The following CDCA7L variants were observed in gnomAD, a reference collection of about 807,000 sequenced individuals.
CDCA7L encodes cell division cycle-associated 7-like protein.
Under a neutral mutation model 57.4 loss-of-function variants are expected in CDCA7L, and 44 were observed. That is an observed-to-expected ratio of 0.77 (90% CI 0.60 to 0.98). The LOEUF (loss-of-function observed/expected upper bound fraction) is 0.98. CDCA7L is among the 50% of genes least tolerant of loss of function. The pLI, the probability that CDCA7L is intolerant of heterozygous loss-of-function variation, is 0.00. For synonymous variants in CDCA7L, 236 were observed against 202.8 expected, an observed-to-expected ratio of 1.16 and a Z score of -1.39; for missense variants, 644 against 580.6, an observed-to-expected ratio of 1.11 and a Z score of -1.12.
Position 21,904,140 on chromosome 7 carries a change from C to A in CDCA7L, c.1167G>T (p.Gly389=). ...FCGPCLRNRY[G]EDVRSALLDP... Reference sequence around the variant, plus strand: ...CCAGCAATGCCGATCTGACATCCTCCCCATAGCGGTTCCGCAGGCATGGTC... The same window carrying A: ...CCAGCAATGCCGATCTGACATCCTCACCATAGCGGTTCCGCAGGCATGGTC... Residue 389 remains glycine, a synonymous_variant, in exon 8 of 10, where the codon GGG becomes GGT. Transcript: ENST00000406877. The A allele has an allele frequency of 6.2e-7, 1 of 1,611,106 alleles. No homozygotes were observed. The highest frequency in any genetic ancestry group is 8.5e-7 in the Non-Finnish European group (1 of 1,178,666).
At chr7:21,937,530 C>T (rs1004251540) in intron 1 of CDCA7L, among the ~76,000 whole-genome samples, 5 of 151,428 alleles carry the variant, frequency 3.3e-5, no homozygotes, top group Admixed American at 6.6e-5. Flanking sequence ...CCCGGCTACT[C>T]GGGAGGCTGA....
Position 21,902,530 on chromosome 7 carries a change from A to G in CDCA7L, c.1335-178T>C, listed in dbSNP as rs143339716. 575 of 624,870 alleles carry G rather than the reference A, an allele frequency of 9.2e-4. No individual in the cohort carries two copies. In the African/African-American group the frequency reaches 9.3e-3, roughly 10 times the overall value. 38.7% of individuals were successfully genotyped at this position (624,870 alleles called of 1,614,324 possible). A position where few individuals can be genotyped will look rare whatever the true frequency, so the allele number is the denominator to read the frequency against. On this transcript the variant is annotated intron_variant, in intron 9 of 9. Coordinates refer to ENST00000406877, the MANE Select transcript of CDCA7L (RefSeq NM_018719.5). ...ATACCCTCTGGTGTAGTACGCCCCAAGCATGACTTGCCTCACTCCCGCATT... is the reference window on the plus strand; with the variant it reads ...ATACCCTCTGGTGTAGTACGCCCCAGGCATGACTTGCCTCACTCCCGCATT...
rs1248792454 is a variant in CDCA7L, at chr7:21,901,701, T to C, written c.*621A>G. 6.4e-6 allele frequency: 1 copy of C among 156,148 alleles called. No individual in the cohort carries two copies. The highest frequency in any genetic ancestry group is 1.4e-5 in the Non-Finnish European group (1 of 70,572). The allele number at this position is 156,148 out of a possible 1,614,324, so 9.7% of individuals were successfully genotyped here. On this transcript the variant is annotated 3_prime_UTR_variant, in exon 10 of 10. Coordinates refer to ENST00000406877, the MANE Select transcript of CDCA7L (RefSeq NM_018719.5). The stretch of plus-strand genomic sequence containing the variant: ...TTAGCCCTTAAACTCTTTCAAAATA[T>C]AAAAGCAGCAGGCCCCAGGTGAGTC...
chr7:21,932,153 GAAAC>G (rs1339052477), intron 1 of CDCA7L, among the ~76,000 whole-genome samples: 1 of 152,116 alleles, frequency 6.6e-6, no homozygotes, highest in African/African-American at 2.4e-5. Context: ...AGTAAGAGAG[GAAAC>G]AAACAAATGG....
chr7:21,908,259 T>C lies in CDCA7L; in HGVS notation c.552A>G (p.Lys184=). 1 of 1,613,668 alleles carries C rather than the reference T, an allele frequency of 6.2e-7. No individual in the cohort carries two copies. The change falls in exon 4 of 10, where the codon AAA becomes AAG. Residue 184 remains lysine, a synonymous_variant. Transcript: ENST00000406877. ...CCCTTTGTATCACCTGTCTACAGTC[T>C]TTCTTTCTTTCAAGAATTGTTTTTT... ...NEKKTILERK[K]DCRQVIQRED... is the part of the protein sequence containing the mutation.
chr7:21,908,004 G>C (rs1250761508), intron 4 of CDCA7L, 126 bp downstream of exon 4: 7 of 962,786 alleles, frequency 7.3e-6, no homozygotes, highest in South Asian at 1.9e-5. Flanking sequence ...ACAATACCCA[G>C]AGTATATTTT....
chr7:21,905,302 G>C (rs1785104412), intron 7 of CDCA7L, among the ~76,000 whole-genome samples: 1 of 151,936 alleles, frequency 6.6e-6, no homozygotes, highest in Non-Finnish European at 1.5e-5. Context: ...GCATCCCTAA[G>C]AGAGACCGCC....
chr7:21,929,625 GGAAAGC>G (rs1785940706), intron 1 of CDCA7L, among the ~76,000 whole-genome samples: 1 of 34,488 alleles, frequency 2.9e-5, no homozygotes, highest in Non-Finnish European at 4.8e-5. Context: ...TCCAGCAAAT[GGAAAGC>G]AAAAAAAAAA....
chr7:21,906,158 A>G, intron 6 of CDCA7L, 131 bp downstream of exon 6: 2 of 808,530 alleles, frequency 2.5e-6, no homozygotes, highest in Non-Finnish European at 3.9e-6. Flanking sequence ...GGAAGCAGAG[A>G]GAAATGCAAG....
In CDCA7L at chr7:21,911,607, T is replaced by C; in HGVS notation, c.303+10A>G. On this transcript the variant is annotated intron_variant, in intron 3 of 9. Coordinates refer to ENST00000406877, the MANE Select transcript of CDCA7L (RefSeq NM_018719.5). ...TTACCACCCACATCCCTTCCTGTTG[T>C]AATTATTACCATTACTTCTGGGTTA... The C allele has an allele frequency of 1.2e-6, 2 of 1,606,828 alleles. No homozygotes were observed. Among genetic ancestry groups the C allele is most frequent in the Admixed American group, 1.7e-5 (1 of 58,268 alleles).
intron 1 of CDCA7L, among the ~76,000 whole-genome samples, chr7:21,930,228 AACG>A (rs1785963197): frequency 6.6e-6 from 1 of 152,220 alleles, no homozygotes; most frequent in Admixed American, 6.5e-5. Flanking sequence ...CAGGGTAACT[AACG>A]AAATCAAGAC....
At chr7:21,943,987 G>A (rs973350580) in intron 1 of CDCA7L, among the ~76,000 whole-genome samples, 6 of 152,228 alleles carry the variant, frequency 3.9e-5, no homozygotes, top group Admixed American at 3.3e-4. Context: ...AACAACAGGA[G>A]TGACACATTC....
At chr7:21,941,607 A>C (rs544965514) in intron 1 of CDCA7L, among the ~76,000 whole-genome samples, 160 of 152,334 alleles carry the variant, frequency 1.1e-3, no homozygotes, top group Non-Finnish European at 1.5e-3. Flanking sequence ...GAGTTCCTAA[A>C]AAAGAACCAG....
chr7:21,902,063 T>TTAATAACTGGCAGATATTTTTAA lies in CDCA7L; in HGVS notation c.*236_*258dup. On this transcript the variant is annotated 3_prime_UTR_variant, in exon 10 of 10. Transcript: ENST00000406877. ...CCCCACCCCATTTAAACTGTGCTTT[T>TTAATAACTGGCAGATATTTTTAA]TAATAACTGGCAGATATTTTTAACA... The TTAATAACTGGCAGATATTTTTAA allele has an allele frequency of 2.0e-6, 1 of 488,558 alleles. No homozygotes were observed. Among genetic ancestry groups the TTAATAACTGGCAGATATTTTTAA allele is most frequent in the Non-Finnish European group, 3.7e-6 (1 of 271,544 alleles). 30.3% of individuals were successfully genotyped at this position (488,558 alleles called of 1,614,324 possible). A position where few individuals can be genotyped will look rare whatever the true frequency, so the allele number is the denominator to read the frequency against.
Position 21,902,244 on chromosome 7 carries a change from TC to T in CDCA7L, c.*77del, listed in dbSNP as rs1784922362. On this transcript the variant is annotated 3_prime_UTR_variant, in exon 10 of 10. Coordinates refer to ENST00000406877, the MANE Select transcript of CDCA7L (RefSeq NM_018719.5). ...GTATAAAAACACAACTGTAAAAAAA[TC>T]TTTCTTAGGCACCAATGGTATGCAT... 2.6e-5 allele frequency: 1 copy of T among 39,134 alleles called. No individual in the cohort carries two copies. 2.4% of individuals were successfully genotyped at this position (39,134 alleles called of 1,614,324 possible). A position where few individuals can be genotyped will look rare whatever the true frequency, so the allele number is the denominator to read the frequency against.
chr7:21,910,551 G>A (rs189476066), intron 3 of CDCA7L, among the ~76,000 whole-genome samples: 9 of 152,302 alleles, frequency 5.9e-5, no homozygotes, highest in African/African-American at 1.9e-4. Context: ...GTGAAGAGGC[G>A]TAAACTCTAC....
chr7:21,902,289 A>G lies in CDCA7L; in HGVS notation c.*33T>C, dbSNP rs369148835. 8.1e-6 allele frequency: 13 copies of G among 1,596,428 alleles called. No individual in the cohort carries two copies. Among genetic ancestry groups the G allele is most frequent in the South Asian group, 3.3e-5 (3 of 90,912 alleles). ...TATGCATGTCTTGTTGGAGTACTCT[A>G]TGGTGAGGTGGCTGGTTCTGTTTGT... On this transcript the variant is annotated 3_prime_UTR_variant, in exon 10 of 10. Transcript: ENST00000406877.
chr7:21,905,898 G>T (rs761358747), intron 6 of CDCA7L, among the ~76,000 whole-genome samples: 1 of 152,184 alleles, frequency 6.6e-6, no homozygotes, highest in Non-Finnish European at 1.5e-5. Context: ...ACACTGAACA[G>T]CCAAACCCAC....
At chr7:21,930,514 G>A (rs182698346) in intron 1 of CDCA7L, among the ~76,000 whole-genome samples, 2 of 152,054 alleles carry the variant, frequency 1.3e-5, no homozygotes, top group Admixed American at 6.6e-5. Flanking sequence ...GGCCAAGATA[G>A]TGAAACCCTG....
Sources: gnomAD v4.1 joint callset for allele counts (sites outside exome capture counted in the v4.1 genomes callset) on GRCh38, gnomAD v4.1.1 for gene constraint, MANE v1.5 for transcripts, NCBI Gene and HGNC (gene_info 2026-07-23, HGNC 2026-07-21) for gene names.